Variants in ARMH4 observed in about 807,000 individuals in gnomAD.
ARMH4 encodes the protein armadillo like helical domain containing 4.
ARMH4 carries 49 observed loss-of-function variants against 61.9 expected under a neutral mutation model. That is an observed-to-expected ratio of 0.79 (90% CI 0.63 to 1.00). The LOEUF (loss-of-function observed/expected upper bound fraction) is 1.00, where lower values mean the gene tolerates loss of function less well. Ranked by LOEUF, ARMH4 falls within the 50% of genes least tolerant of loss-of-function variation. ARMH4 has a pLI of 0.00. For missense variants in ARMH4, 934 were observed against 930.0 expected (o/e 1.00, Z -0.06); for synonymous variants, 368 against 341.5 (o/e 1.08, Z -0.85).
intron 4 of ARMH4, among the ~76,000 whole-genome samples, chr14:58,108,793 T>C (rs1417530135): frequency 1.3e-5 from 2 of 152,184 alleles, no homozygotes; most frequent in East Asian, 3.8e-4. Context: ...GGAATACAAG[T>C]GTTCAACATC....
At chr14:58,021,961 A>G (rs1192733196) in intron 5 of ARMH4, among the ~76,000 whole-genome samples, 1 of 152,226 alleles carries the variant, frequency 6.6e-6, no homozygotes, top group African/African-American at 2.4e-5. Flanking sequence ...GGTATAGTAT[A>G]GTAGTTTCCT....
At chr14:58,089,396 G>T (rs991059710) in intron 5 of ARMH4, among the ~76,000 whole-genome samples, 1 of 152,160 alleles carries the variant, frequency 6.6e-6, no homozygotes, top group African/African-American at 2.4e-5. Flanking sequence ...AAAAAAGGAG[G>T]AAGAGAAGAG....
chr14:58,012,410 A>G (rs1252213459), intron 5 of ARMH4, among the ~76,000 whole-genome samples: 1 of 152,194 alleles, frequency 6.6e-6, no homozygotes, highest in African/African-American at 2.4e-5. Flanking sequence ...TTATTATTGA[A>G]TGATTAGTGG....
At chr14:58,024,872 C>T (rs1162410767) in intron 5 of ARMH4, among the ~76,000 whole-genome samples, 3 of 152,140 alleles carry the variant, frequency 2.0e-5, no homozygotes, top group South Asian at 2.1e-4. Flanking sequence ...ACACACACAA[C>T]ATCTATCAAT....
chr14:58,132,283 T>C (rs1887135299), intron 3 of ARMH4, among the ~76,000 whole-genome samples: 1 of 152,210 alleles, frequency 6.6e-6, no homozygotes, highest in South Asian at 2.1e-4. Context: ...GCCTCCTATA[T>C]AGAAAGCACT....
chr14:58,082,612 G>T (rs1369381111), intron 5 of ARMH4, among the ~76,000 whole-genome samples: 1 of 152,090 alleles, frequency 6.6e-6, no homozygotes, highest in African/African-American at 2.4e-5. Context: ...GCTCCACTTG[G>T]TACTTTCAGA....
At chr14:58,105,945 A>G (rs1886154950) in intron 4 of ARMH4, among the ~76,000 whole-genome samples, 1 of 152,176 alleles carries the variant, frequency 6.6e-6, no homozygotes, top group Admixed American at 6.5e-5. Flanking sequence ...ACAAGTTGAC[A>G]TGGCACTGAT....
At chr14:58,127,576 C>T (rs907643049) in intron 4 of ARMH4, among the ~76,000 whole-genome samples, 1 of 152,136 alleles carries the variant, frequency 6.6e-6, no homozygotes, top group Non-Finnish European at 1.5e-5. Context: ...AGGGTTGAGA[C>T]AATATCATGG....
At chr14:58,020,279 CG>C (rs2052021070) in intron 5 of ARMH4, among the ~76,000 whole-genome samples, 1 of 151,882 alleles carries the variant, frequency 6.6e-6, no homozygotes, top group African/African-American at 2.4e-5. Context: ...TCACAGCTCA[CG>C]GGGCTTTCCT....
chr14:58,041,062 A>G lies in ARMH4; in HGVS notation c.2090-28912T>C, dbSNP rs373553155. 4.0e-3 allele frequency among the ~76,000 whole-genome samples: 615 copies of G among 152,298 alleles called. 7 individuals carry two copies. Among genetic ancestry groups the G allele is most frequent in the African/African-American group, 0.014 (587 of 41,562 alleles). On this transcript the variant is annotated intron_variant, in intron 5 of 7. Coordinates refer to ENST00000267485, the MANE Select transcript of ARMH4 (RefSeq NM_001001872.4). ...GACGCAGAAGACGGGTGATTTCTGC[A>G]TTTCCAACTGAGGTACTGGGTTCAT... is the stretch of plus-strand genomic sequence containing the variant.
At chr14:58,145,961 T>A (rs1887720506) in intron 1 of ARMH4, among the ~76,000 whole-genome samples, 1 of 152,256 alleles carries the variant, frequency 6.6e-6, no homozygotes, top group Non-Finnish European at 1.5e-5. Context: ...CAGTATAGGT[T>A]CATGTAGTCA....
chr14:58,052,863 C>T (rs552039789), intron 5 of ARMH4, among the ~76,000 whole-genome samples: 12 of 152,188 alleles, frequency 7.9e-5, no homozygotes, highest in African/African-American at 1.2e-4. Context: ...AAACTGAACT[C>T]GTGATTGCTC....
chr14:58,101,435 G>A (rs948222564), intron 4 of ARMH4: 2 of 152,242 alleles, frequency 1.3e-5, no homozygotes, highest in Non-Finnish European at 2.9e-5. Context: ...CAGAAGTGAT[G>A]AGCAGGAAAG....
chr14:58,140,106 TA>T (rs1887481601), intron 1 of ARMH4, among the ~76,000 whole-genome samples: 1 of 150,678 alleles, frequency 6.6e-6, no homozygotes, highest in Non-Finnish European at 1.5e-5. Context: ...CCATCTCTAC[TA>T]AAAATACAAA....
chr14:58,041,803 C>T (rs535542882), intron 5 of ARMH4, among the ~76,000 whole-genome samples: 84 of 152,018 alleles, frequency 5.5e-4, no homozygotes, highest in African/African-American at 1.2e-3. Context: ...ATCCTAGTCT[C>T]GGATAAAACA....
chr14:58,034,083 C>T (rs1333425852), intron 5 of ARMH4, among the ~76,000 whole-genome samples: 2 of 129,936 alleles, frequency 1.5e-5, no homozygotes, highest in Non-Finnish European at 3.4e-5. Context: ...AGAACAGCAA[C>T]TCCAAGACAC....
At position 58,138,721 on chromosome 14, in the gene ARMH4, T is replaced by TTAGTATTCACA. The variant is rs781727651; in HGVS notation, c.627_637dup (p.Lys213MetfsTer2). 1 of 1,614,168 alleles carries TTAGTATTCACA rather than the reference T, an allele frequency of 6.2e-7. No homozygotes were observed. The highest frequency in any genetic ancestry group is 1.1e-5 in the South Asian group (1 of 91,088). ...CTTTGGATTGGTGGTTAGCATTTCC[T>TTAGTATTCACA]TAGTATTCACATAGGATGAAGGTGA... On this transcript the variant is annotated stop_gained and frameshift_variant, in exon 2 of 8. Coordinates refer to ENST00000267485, the MANE Select transcript of ARMH4 (RefSeq NM_001001872.4). LOFTEE classifies it high-confidence loss of function.
At chr14:58,021,061 G>C (rs1472190589) in intron 5 of ARMH4, among the ~76,000 whole-genome samples, 1 of 152,218 alleles carries the variant, frequency 6.6e-6, no homozygotes, top group Non-Finnish European at 1.5e-5. Context: ...TCAGGCAGGA[G>C]GAATTGCCCC....
intron 5 of ARMH4, among the ~76,000 whole-genome samples, chr14:58,020,340 T>G (rs1218976514): frequency 6.6e-6 from 1 of 152,116 alleles, no homozygotes; most frequent in African/African-American, 2.4e-5. Context: ...GTGTATTAGC[T>G]CACCTGGTAT....
Sources: allele counts gnomAD v4.1 joint callset (sites outside exome capture counted in the v4.1 genomes callset), GRCh38; gene constraint gnomAD v4.1.1; transcripts MANE v1.5; gene names NCBI Gene and HGNC (gene_info 2026-07-23, HGNC 2026-07-21).